Variants in LRP6 observed in about 807,000 individuals in gnomAD.
LRP6 encodes the protein LDL receptor related protein 6.
In LRP6, 43 loss-of-function variants were observed where a neutral mutation model predicts 184.1. The ratio of observed to expected loss-of-function variants is 0.23; its 90% CI spans 0.18 to 0.30. The LOEUF (loss-of-function observed/expected upper bound fraction) is 0.30, where lower values mean the gene tolerates loss of function less well. LRP6 is among the 10% of genes least tolerant of loss of function. The probability of loss-of-function intolerance (pLI) is 1.00; values close to 1 mark genes in which losing one functional copy is unlikely to be tolerated. For missense variants in LRP6, 1,571 were observed against 2,005.3 expected (o/e 0.78, Z 4.14); for synonymous variants, 719 against 684.9 (o/e 1.05, Z -0.78).
intron 4 of LRP6, chr12:12,186,682 A>G (rs1419263000): frequency 1.0e-4 from 41 of 396,984 alleles, no homozygotes; most frequent in African/African-American, 4.1e-4. Context: ...TTTTTGAGAC[A>G]CAGTCTTTCT....
chr12:12,159,171 C>A lies in LRP6; in HGVS notation c.2465-16G>T. 6.2e-7 allele frequency: 1 copy of A among 1,600,078 alleles called. No homozygotes were observed. On this transcript the variant is annotated splice_polypyrimidine_tract_variant and intron_variant, in intron 11 of 22. Transcript: ENST00000261349. ...CGGTTGAGCCCTATTTTCAGAAAGG[C>A]AGTAGACAGGGGAGAAGCAGAGTGA... is the stretch of plus-strand genomic sequence containing the variant.
chr12:12,191,885 A>G (rs895304474), intron 3 of LRP6, among the ~76,000 whole-genome samples: 4 of 152,134 alleles, frequency 2.6e-5, no homozygotes, highest in Non-Finnish European at 4.4e-5. Flanking sequence ...TTCAAAAAAT[A>G]AAATATTTGA....
At chr12:12,158,057 A>G (rs933758751) in intron 12 of LRP6, among the ~76,000 whole-genome samples, 1 of 152,140 alleles carries the variant, frequency 6.6e-6, no homozygotes, top group Non-Finnish European at 1.5e-5. Context: ...ACTGCCTACT[A>G]TGTTCATTGC....
chr12:12,131,099 T>TGG (rs1949748474), intron 18 of LRP6, among the ~76,000 whole-genome samples: 1 of 59,116 alleles, frequency 1.7e-5, no homozygotes. Context: ...TTCCTAACAT[T>TGG]TTTTTTTTTT....
intron 4 of LRP6, 81 bp from the exon 5 acceptor site, chr12:12,184,192 G>T: frequency 1.6e-6 from 2 of 1,225,866 alleles, no homozygotes. Context: ...GAACAACTGT[G>T]ATAAGCCAAA....
chr12:12,168,125 C>T (rs1390866054), intron 7 of LRP6, among the ~76,000 whole-genome samples: 4 of 152,076 alleles, frequency 2.6e-5, no homozygotes. Flanking sequence ...CTCACCTCCC[C>T]GCAAATCAAA....
intron 2 of LRP6, among the ~76,000 whole-genome samples, chr12:12,212,755 A>T (rs992533792): frequency 6.6e-6 from 1 of 152,030 alleles, no homozygotes; most frequent in Non-Finnish European, 1.5e-5. Flanking sequence ...AGAGAATTTT[A>T]TTTTTTTTAA....
At chr12:12,191,863 G>C (rs1422123927) in intron 3 of LRP6, among the ~76,000 whole-genome samples, 2 of 151,646 alleles carry the variant, frequency 1.3e-5, no homozygotes, top group African/African-American at 4.8e-5. Context: ...TTACATAATA[G>C]AAAAAAATAT....
rs1310519258 is a variant in LRP6 at position 12,199,213 on chromosome 12, A to G, written c.647+3990T>C. Reference sequence around the variant, plus strand: ...AACCTTTGGCACTAGGAATCACAGCATTTTGTCATATAGCATGAACACATA... The same window carrying G: ...AACCTTTGGCACTAGGAATCACAGCGTTTTGTCATATAGCATGAACACATA... On this transcript the variant is annotated intron_variant, in intron 3 of 22. Coordinates refer to ENST00000261349, the MANE Select transcript of LRP6 (RefSeq NM_002336.3). 2.0e-5 allele frequency among the ~76,000 whole-genome samples: 3 copies of G among 152,162 alleles called. No individual in the cohort carries two copies. The East Asian group carries it at 5.8e-4, about 29-fold the overall frequency.
At chr12:12,233,797 A>G (rs1296299971) in intron 2 of LRP6, among the ~76,000 whole-genome samples, 1 of 152,228 alleles carries the variant, frequency 6.6e-6, no homozygotes, top group Non-Finnish European at 1.5e-5. Flanking sequence ...AGAGATGGAA[A>G]ATAAAGTATT....
intron 2 of LRP6, among the ~76,000 whole-genome samples, chr12:12,232,642 TGATA>T (rs1461955905): frequency 1.4e-5 from 2 of 147,492 alleles, no homozygotes; most frequent in African/African-American, 2.5e-5. Context: ...CTGAACAACT[TGATA>T]GAGATTATAA....
chr12:12,183,985 T>A lies in LRP6; in HGVS notation c.971A>T (p.Lys324Ile). The A allele has an allele frequency of 5.0e-6, 8 of 1,613,318 alleles. No homozygotes were observed. Among genetic ancestry groups the A allele is most frequent in the Non-Finnish European group, 6.8e-6 (8 of 1,179,304 alleles). ...VKLLENGKTCKDGATELLLLA... is the reference protein window; with the variant it reads ...VKLLENGKTCIDGATELLLLA... ...TTTGGATAATATCTTCTTACCATCT[T>A]TGCAGGTTTTTCCATTCTCCAGGAG... The change falls in exon 5 of 23, where the codon AAA becomes ATA. Residue 324 changes from lysine to isoleucine, a missense_variant. This residue lies in a region of LRP6 where 640 missense variants were observed against 851.9 expected (regional missense o/e 0.75). Coordinates refer to ENST00000261349, the MANE Select transcript of LRP6 (RefSeq NM_002336.3).
chr12:12,155,443 TG>T (rs1950139105), intron 12 of LRP6: 2 of 955,970 alleles, frequency 2.1e-6, no homozygotes, highest in Non-Finnish European at 1.7e-6. Context: ...ACTGCAAAAC[TG>T]GAAGGGTCTA....
chr12:12,140,672 C>T (rs1043098703), intron 15 of LRP6, among the ~76,000 whole-genome samples: 20 of 150,434 alleles, frequency 1.3e-4, no homozygotes, highest in Admixed American at 1.2e-3. Flanking sequence ...GGCTCAATCT[C>T]GCCTCACTGC....
chr12:12,260,601 T>C (rs1315599319), intron 1 of LRP6, among the ~76,000 whole-genome samples: 1 of 152,210 alleles, frequency 6.6e-6, no homozygotes, highest in African/African-American at 2.4e-5. Context: ...ATAATGTTTC[T>C]TTTAATTCGG....
chr12:12,182,763 C>T (rs2136995062), intron 5 of LRP6, among the ~76,000 whole-genome samples: 1 of 152,256 alleles, frequency 6.6e-6, no homozygotes, highest in African/African-American at 2.4e-5. Flanking sequence ...GGCTAACAAC[C>T]AAAAGGAGCC....
chr12:12,138,747 C>T (rs1260880205), intron 15 of LRP6: 2 of 1,487,256 alleles, frequency 1.3e-6, no homozygotes, highest in East Asian at 2.6e-5. Flanking sequence ...AAGTAAGTGC[C>T]CAATGTGCAG....
intron 7 of LRP6, among the ~76,000 whole-genome samples, chr12:12,171,957 T>C (rs1162563341): frequency 6.6e-6 from 1 of 152,234 alleles, no homozygotes; most frequent in Non-Finnish European, 1.5e-5. Flanking sequence ...AAGCTCCTTA[T>C]GTTTAAAATA....
chr12:12,263,495 G>A (rs1036871399), intron 1 of LRP6, among the ~76,000 whole-genome samples: 2 of 149,842 alleles, frequency 1.3e-5, no homozygotes, highest in African/African-American at 4.9e-5. Context: ...AGCTTGCAGT[G>A]AGCGGAGATC....
Sources: allele counts gnomAD v4.1 joint callset (sites outside exome capture counted in the v4.1 genomes callset), GRCh38; gene constraint gnomAD v4.1.1; regional missense constraint gnomAD v4.1.1; transcripts MANE v1.5; gene names NCBI Gene and HGNC (gene_info 2026-07-23, HGNC 2026-07-21).